Variants in TTC34 observed in about 807,000 individuals in gnomAD.
TTC34 encodes the protein tetratricopeptide repeat domain 34, also known as tetratricopeptide repeat protein 34.
Under a neutral mutation model 40.7 loss-of-function variants are expected in TTC34, and 44 were observed. The observed-to-expected ratio is 1.08, with a 90% confidence interval of 0.85 to 1.39. The LOEUF is 1.39. Ranked by LOEUF, TTC34 falls within the 40% of genes most tolerant of loss-of-function variation. TTC34 has a pLI of 0.00. For synonymous variants in TTC34, 422 were observed against 398.6 expected, an observed-to-expected ratio of 1.06 and a Z score of -0.70; for missense variants, 884 against 838.0, an observed-to-expected ratio of 1.05 and a Z score of -0.68.
intron 6 of TTC34, among the ~76,000 whole-genome samples, chr1:2,686,685 C>T (rs1291735599): frequency 1.1e-4 from 5 of 46,194 alleles, no homozygotes; most frequent in South Asian, 6.5e-4. Context: ...CCCTGCACCC[C>T]CAGGTGCGCA....
intron 6 of TTC34, among the ~76,000 whole-genome samples, chr1:2,685,221 G>T (rs376385748): frequency 6.5e-5 from 2 of 30,960 alleles, no homozygotes. Flanking sequence ...ATCTGACATC[G>T]TGGAGCAGCA....
chr1:2,683,199 G>A (rs1177965407), intron 6 of TTC34, among the ~76,000 whole-genome samples: 7 of 131,544 alleles, frequency 5.3e-5, no homozygotes, highest in East Asian at 4.4e-4. Flanking sequence ...GGCCACAGGC[G>A]AGCATCTGAG....
chr1:2,644,122 C>T, intron 8 of TTC34, 142 bp downstream of exon 8: 1 of 851,426 alleles, frequency 1.2e-6, no homozygotes, highest in Non-Finnish European at 1.8e-6. Flanking sequence ...GAAGTGGGTG[C>T]CTCCCACCCC....
At chr1:2,680,924 A>G (rs1281606642) in intron 6 of TTC34, among the ~76,000 whole-genome samples, 3 of 99,164 alleles carry the variant, frequency 3.0e-5, no homozygotes, top group African/African-American at 6.2e-5. Flanking sequence ...GCATCTGACA[A>G]CAGGGAGCAG....
chr1:2,677,646 C>A (rs1639958635), intron 6 of TTC34, among the ~76,000 whole-genome samples: 4 of 17,790 alleles, frequency 2.2e-4, no homozygotes, highest in African/African-American at 4.3e-4. Context: ...GAACAGCACA[C>A]ACACCCCCAG....
intron 6 of TTC34, among the ~76,000 whole-genome samples, chr1:2,691,560 A>C (rs1203491733): frequency 7.6e-6 from 1 of 131,646 alleles, no homozygotes; most frequent in Non-Finnish European, 1.7e-5. Flanking sequence ...TGAGCATCTG[A>C]CAGACTGGAA....
At chr1:2,764,574 G>A (rs1246590201) in intron 6 of TTC34, among the ~76,000 whole-genome samples, 51 of 82,448 alleles carry the variant, frequency 6.2e-4, no homozygotes, top group East Asian at 5.2e-3. Flanking sequence ...CTGGAGCAGC[G>A]CCCACACACT....
chr1:2,786,096 CT>C lies in TTC34; in HGVS notation c.1855-74del, dbSNP rs557805516. On this transcript the variant is annotated intron_variant, in intron 4 of 8. Transcript: ENST00000401095. ...TGGAGCCCACCCTGTACTGACGCCC[CT>C]GGCCATCCCCCACCCCACCCTCACT... 8,387 of 1,304,060 alleles carry C rather than the reference CT, an allele frequency of 6.4e-3. 38 individuals are homozygous for C. Among genetic ancestry groups the C allele is most frequent in the Middle Eastern group, 0.022 (92 of 4,192 alleles). The allele number at this position is 1,304,060 out of a possible 1,614,324, so 80.8% of individuals were successfully genotyped here.
At chr1:2,776,324 G>A (rs1256294882) in intron 6 of TTC34, 1 of 129,492 alleles carries the variant, frequency 7.7e-6, no homozygotes, top group Non-Finnish European at 1.6e-5. Flanking sequence ...CAAGACCACT[G>A]CCCCCAGGTG....
intron 6 of TTC34, among the ~76,000 whole-genome samples, chr1:2,691,731 G>T (rs1466569838): frequency 1.0e-5 from 1 of 95,426 alleles, no homozygotes. Context: ...ACAGCCTGGA[G>T]CAGCACCCAC....
chr1:2,750,191 T>G (rs1641268916), intron 6 of TTC34, among the ~76,000 whole-genome samples: 3 of 142,084 alleles, frequency 2.1e-5, no homozygotes, highest in East Asian at 2.1e-4. Context: ...ACAGCCTGGG[T>G]CGGCACCCAC....
intron 6 of TTC34, among the ~76,000 whole-genome samples, chr1:2,687,373 C>A (rs200383101): frequency 0.015 from 500 of 33,552 alleles, no homozygotes; most frequent in Admixed American, 0.029. Flanking sequence ...CACCCCCAGG[C>A]GAGCATCTGA....
At chr1:2,687,745 C>T (rs1447882799) in intron 6 of TTC34, among the ~76,000 whole-genome samples, 4 of 146,282 alleles carry the variant, frequency 2.7e-5, no homozygotes, top group East Asian at 2.0e-4. Context: ...GAACATCCGA[C>T]AGCCTGGAGC....
At chr1:2,684,677 GC>G (rs1640239244) in intron 6 of TTC34, among the ~76,000 whole-genome samples, 1 of 91,764 alleles carries the variant, frequency 1.1e-5, no homozygotes. Flanking sequence ...GCACCCACAC[GC>G]CCAGGTGAGC....
chr1:2,699,482 C>A (rs567357469), intron 6 of TTC34, among the ~76,000 whole-genome samples: 1 of 127,072 alleles, frequency 7.9e-6, no homozygotes, highest in Non-Finnish European at 1.8e-5. Flanking sequence ...CAGCCTGGAG[C>A]AGCACCCACA....
intron 6 of TTC34, among the ~76,000 whole-genome samples, chr1:2,781,158 G>A (rs1451812952): frequency 6.6e-6 from 1 of 152,112 alleles, no homozygotes; most frequent in South Asian, 2.1e-4. Context: ...CAGTTCTTGG[G>A]ATGTGCAACC....
chr1:2,657,490 A>C (rs561579768), intron 6 of TTC34, among the ~76,000 whole-genome samples: 1 of 95,774 alleles, frequency 1.0e-5, no homozygotes, highest in East Asian at 2.4e-4. Flanking sequence ...CGAACGGAGC[A>C]GCACCCACAA....
At chr1:2,646,202 T>C (rs1452292996) in intron 6 of TTC34, among the ~76,000 whole-genome samples, 1 of 152,178 alleles carries the variant, frequency 6.6e-6, no homozygotes, top group African/African-American at 2.4e-5. Context: ...CTTACAGCTA[T>C]GAACAAGCCC....
rs1643711210 is a variant in TTC34 at position 2,796,499 on chromosome 1, AC to A, written c.784+3544del. Among the ~76,000 whole-genome samples, 1 of 152,146 alleles carries A rather than the reference AC, an allele frequency of 6.6e-6. No homozygotes were observed. The highest frequency in any genetic ancestry group is 2.4e-5 in the African/African-American group (1 of 41,430). On this transcript the variant is annotated intron_variant, in intron 2 of 8. Coordinates refer to ENST00000401095, the Ensembl canonical transcript of TTC34. This position sits in a 1 kb window ranked among gnomAD's most constrained non-coding sequence, Gnocchi z 4.5. The stretch of plus-strand genomic sequence containing the variant: ...CACACCAGAGCCACGGCAGACACAG[AC>A]GAGCTTCCGGTGGCCTTCCTGGAGG...
Sources: allele counts gnomAD v4.1 joint callset (sites outside exome capture counted in the v4.1 genomes callset), GRCh38; gene constraint gnomAD v4.1.1; non-coding constraint Gnocchi (gnomAD v3.1); transcripts MANE v1.5; gene names NCBI Gene and HGNC (gene_info 2026-07-23, HGNC 2026-07-21).